Variants in CFAP57 observed in about 807,000 individuals in gnomAD.
The protein encoded by CFAP57 is cilia and flagella associated protein 57.
CFAP57 carries 116 observed loss-of-function variants against 146.8 expected under a neutral mutation model. The ratio of observed to expected loss-of-function variants is 0.79; its 90% CI spans 0.68 to 0.92. CFAP57 has a LOEUF of 0.92. Among genes scored for constraint, CFAP57 ranks in the 40% least tolerant of loss-of-function variants. The pLI, the probability that CFAP57 is intolerant of heterozygous loss-of-function variation, is 0.00. For missense variants in CFAP57, 1,377 were observed against 1,527.2 expected (o/e 0.90, Z 1.64); for synonymous variants, 518 against 552.8 (o/e 0.94, Z 0.88).
intron 22 of CFAP57, among the ~76,000 whole-genome samples, chr1:43,249,759 A>C: frequency 6.6e-6 from 1 of 151,882 alleles, no homozygotes; most frequent in Non-Finnish European, 1.5e-5. Flanking sequence ...CATTTTCTTA[A>C]TAGCCAGTGA....
chr1:43,209,903 G>T lies in CFAP57; in HGVS notation c.1916G>T (p.Gly639Val). The part of the protein sequence containing the change: ...KEFNEYQAHA[G>V]PITKMLLTFD... ...TTCAATGAGTACCAGGCCCATGCCGGTCCTATCACCAAGGTGAGCAGGGCC... is the reference window on the plus strand; with the variant it reads ...TTCAATGAGTACCAGGCCCATGCCGTTCCTATCACCAAGGTGAGCAGGGCC... The change falls in exon 11 of 23, where the codon GGT becomes GTT. Residue 639 changes from glycine to valine, a missense_variant. Gly to Val is a moderately radical substitution (Grantham distance 109, BLOSUM62 -3). Coordinates refer to ENST00000372492, the MANE Select transcript of CFAP57 (RefSeq NM_001378189.1). 6.2e-7 allele frequency: 1 copy of T among 1,614,220 alleles called. No individual in the cohort carries two copies. The highest frequency in any genetic ancestry group is 8.5e-7 in the Non-Finnish European group (1 of 1,180,042).
chr1:43,195,146 G>C (rs1643785200), intron 6 of CFAP57, among the ~76,000 whole-genome samples: 1 of 152,092 alleles, frequency 6.6e-6, no homozygotes. Flanking sequence ...GATAATTCTT[G>C]GTCAAATAGA....
intron 2 of CFAP57, among the ~76,000 whole-genome samples, chr1:43,175,876 C>T (rs1305265648): frequency 6.8e-6 from 1 of 147,900 alleles, no homozygotes; most frequent in African/African-American, 2.6e-5. Context: ...CTCTGTGTTG[C>T]ATTCTAGATA....
intron 21 of CFAP57, among the ~76,000 whole-genome samples, chr1:43,239,159 T>A (rs1645812930): frequency 1.3e-5 from 2 of 152,060 alleles, no homozygotes; most frequent in Non-Finnish European, 2.9e-5. Flanking sequence ...AAGCGGGACC[T>A]CCCATGCCTG....
At chr1:43,227,825 C>G (rs1009903203) in intron 18 of CFAP57, among the ~76,000 whole-genome samples, 2 of 152,152 alleles carry the variant, frequency 1.3e-5, no homozygotes, top group Non-Finnish European at 2.9e-5. Context: ...TTTCTCTCCC[C>G]CTTCCTCCAG....
At chr1:43,210,063 T>C in intron 11 of CFAP57, 147 bp downstream of exon 11, 1 of 1,614,126 alleles carries the variant, frequency 6.2e-7, no homozygotes, top group Non-Finnish European at 8.5e-7. Flanking sequence ...ATCTATTGAC[T>C]ATGAATATAC....
chr1:43,196,929 T>C (rs2124412778), intron 6 of CFAP57, among the ~76,000 whole-genome samples: 1 of 152,374 alleles, frequency 6.6e-6, no homozygotes. Flanking sequence ...TTTAGTCTAG[T>C]GTTATTCCTA....
chr1:43,172,472 G>A lies in CFAP57; in HGVS notation c.-20+19G>A. On this transcript the variant is annotated intron_variant, in intron 1 of 22. Coordinates refer to ENST00000372492, the MANE Select transcript of CFAP57 (RefSeq NM_001378189.1). The stretch of plus-strand genomic sequence containing the variant: ...ACGAAAGGTGGGAGGGGGTACCTGG[G>A]GGTCGCCAGAAGGAGCTGGTAGCAG... 6.5e-7 allele frequency: 1 copy of A among 1,541,884 alleles called. No homozygotes were observed. Among genetic ancestry groups the A allele is most frequent in the Non-Finnish European group, 8.8e-7 (1 of 1,142,120 alleles).
rs765164246 is a variant in CFAP57 at position 43,181,800 on chromosome 1, A to C, written c.424A>C (p.Lys142Gln). The change falls in exon 3 of 23, where the codon AAA (lysine) becomes CAA (glutamine). Residue 142 changes from lysine to glutamine, a missense_variant. Transcript: ENST00000372492. ...TGTCTACTGGCTGTGGGAAAAACAG[A>C]AAGTAATGGCCATTGTTAGAATCGA... ...NLVYWLWEKQ[K>Q]VMAIVRIDTQ... The C allele has an allele frequency of 6.2e-6, 10 of 1,614,112 alleles. No individual in the cohort carries two copies. The Admixed American group carries it at 1.7e-4, about 27-fold the overall frequency.
chr1:43,181,889 AAATAG>A (rs1370831865), intron 3 of CFAP57, 39 bp downstream of exon 3: 1 of 1,600,688 alleles, frequency 6.2e-7, no homozygotes, highest in African/African-American at 1.3e-5. Context: ...AAATTATAAA[AAATAG>A]AACTACTTTT....
At position 43,200,697 on chromosome 1, in the gene CFAP57, G is replaced by T. The variant is rs6657760; in HGVS notation, c.1542+1194G>T. ...AAGGACTTGTTGGAGATGATGAAAT[G>T]GAGGTATGAAATAGGACAGTGCTCA... is the stretch of plus-strand genomic sequence containing the variant. On this transcript the variant is annotated intron_variant, in intron 9 of 22. Transcript: ENST00000372492. Among the ~76,000 whole-genome samples the T allele has an allele frequency of 7.4e-3, 1,121 of 152,182 alleles. 13 individuals are homozygous for T. Among genetic ancestry groups the T allele is most frequent in the African/African-American group, 0.026 (1,074 of 41,510 alleles).
intron 9 of CFAP57, among the ~76,000 whole-genome samples, chr1:43,202,118 CAT>C (rs1263580501): frequency 2.0e-5 from 3 of 152,168 alleles, no homozygotes; most frequent in Non-Finnish European, 4.4e-5. Flanking sequence ...GTTAGAATGA[CAT>C]GTGTAACATT....
At chr1:43,216,733 C>A (rs989678455) in intron 12 of CFAP57, among the ~76,000 whole-genome samples, 2 of 152,138 alleles carry the variant, frequency 1.3e-5, no homozygotes, top group Admixed American at 1.3e-4. Flanking sequence ...TCCGCCTGTC[C>A]CTTAAAAAGC....
chr1:43,226,737 C>T (rs531762454), intron 17 of CFAP57, among the ~76,000 whole-genome samples: 2 of 152,292 alleles, frequency 1.3e-5, no homozygotes, highest in African/African-American at 4.8e-5. Flanking sequence ...TGGAAAATAC[C>T]GCTGTTCACA....
intron 7 of CFAP57, 118 bp from the exon 8 acceptor site, chr1:43,198,363 C>A: frequency 8.6e-7 from 1 of 1,167,626 alleles, no homozygotes; most frequent in Non-Finnish European, 1.2e-6. Context: ...GAGGAACCAA[C>A]AATTGCAAAC....
chr1:43,177,213 TGA>T (rs1645207297), intron 2 of CFAP57: 1 of 456,046 alleles, frequency 2.2e-6, no homozygotes, highest in East Asian at 6.9e-5. Flanking sequence ...GTAATTCAGG[TGA>T]GAGATAATGG....
chr1:43,200,732 A>G (rs1012949830), intron 9 of CFAP57, among the ~76,000 whole-genome samples: 2 of 152,246 alleles, frequency 1.3e-5, no homozygotes, highest in African/African-American at 4.8e-5. Flanking sequence ...ATTGGTTCAT[A>G]TGGCTGGAAC....
intron 22 of CFAP57, among the ~76,000 whole-genome samples, chr1:43,245,766 T>C (rs1302914167): frequency 6.6e-6 from 1 of 152,162 alleles, no homozygotes; most frequent in Non-Finnish European, 1.5e-5. Flanking sequence ...GTCCATCATC[T>C]TGAAATTTCA....
chr1:43,239,347 C>T (rs1645820718), intron 21 of CFAP57, among the ~76,000 whole-genome samples: 1 of 151,990 alleles, frequency 6.6e-6, no homozygotes, highest in South Asian at 2.1e-4. Flanking sequence ...GGTAAGGGAG[C>T]ATCATGAAGA....
Sources: gnomAD v4.1 joint callset for allele counts (sites outside exome capture counted in the v4.1 genomes callset) on GRCh38, gnomAD v4.1.1 for gene constraint, MANE v1.5 for transcripts, NCBI Gene and HGNC (gene_info 2026-07-23, HGNC 2026-07-21) for gene names.